KCNJ3: variants seen among roughly 807,000 people sequenced by gnomAD.
KCNJ3 encodes G protein-activated inward rectifier potassium channel 1.
Under a neutral mutation model 39.2 loss-of-function variants are expected in KCNJ3, and 4 were observed. The observed-to-expected ratio is 0.10, with a 90% CI of 0.05 to 0.23. KCNJ3 has a LOEUF of 0.23. Ranked by LOEUF, KCNJ3 falls within the 10% of genes least tolerant of loss-of-function variation. The pLI is 1.00. For synonymous variants in KCNJ3, 230 were observed against 237.4 expected (o/e 0.97, Z 0.29); for missense variants, 276 against 634.9 (o/e 0.43, Z 6.08).
chr2:154,743,673 T>G (rs1202615505), intron 2 of KCNJ3, among the ~76,000 whole-genome samples: 1 of 151,670 alleles, frequency 6.6e-6, no homozygotes, highest in Non-Finnish European at 1.5e-5. Context: ...TTAATGTTTA[T>G]CTTATATTTG....
intron 2 of KCNJ3, among the ~76,000 whole-genome samples, chr2:154,760,735 CTTTTTT>C (rs887796000): frequency 7.8e-6 from 1 of 127,752 alleles, no homozygotes; most frequent in Non-Finnish European, 1.6e-5. Flanking sequence ...TCTTTTTTTT[CTTTTTT>C]TTTTTTTTTT....
intron 2 of KCNJ3, among the ~76,000 whole-genome samples, chr2:154,844,622 C>T (rs1402300768): frequency 6.6e-6 from 1 of 152,176 alleles, no homozygotes; most frequent in Non-Finnish European, 1.5e-5. Context: ...GCTTCCCGGT[C>T]GCTTTGTTTA....
intron 2 of KCNJ3, among the ~76,000 whole-genome samples, chr2:154,722,973 T>A (rs1685290540): frequency 6.6e-6 from 1 of 152,032 alleles, no homozygotes; most frequent in East Asian, 1.9e-4. Context: ...CAGTACAGGT[T>A]AGAGGGTATG....
chr2:154,717,102 G>A (rs1275513183), intron 2 of KCNJ3, among the ~76,000 whole-genome samples: 2 of 152,196 alleles, frequency 1.3e-5, no homozygotes, highest in Admixed American at 1.3e-4. Flanking sequence ...CTGAGAACAT[G>A]GTGTGAACTG....
At chr2:154,718,233 A>G (rs1685213248) in intron 2 of KCNJ3, among the ~76,000 whole-genome samples, 1 of 152,092 alleles carries the variant, frequency 6.6e-6, no homozygotes, top group Admixed American at 6.5e-5. Flanking sequence ...TTTAAGATAT[A>G]TCTTATCAGT....
At chr2:154,787,077 A>G (rs1006838931) in intron 2 of KCNJ3, among the ~76,000 whole-genome samples, 3 of 152,222 alleles carry the variant, frequency 2.0e-5, no homozygotes, top group Non-Finnish European at 4.4e-5. Context: ...CCACTAGAAA[A>G]AAAGGGTGTA....
Position 154,854,887 on chromosome 2 carries a change from G to A in KCNJ3, c.1080G>A (p.Glu360=). ...EVPTPPYSVK[E]QEEMLLMSSP... ...CCACCCCACCTTACAGTGTGAAAGA[G>A]CAGGAGGAAATGCTTCTCATGTCGT... Residue 360 remains glutamate, a synonymous_variant, in exon 3 of 3, where the codon GAG becomes GAA. Coordinates refer to ENST00000295101, the MANE Select transcript of KCNJ3 (RefSeq NM_002239.4). The A allele has an allele frequency of 6.2e-7, 1 of 1,613,992 alleles. No individual in the cohort carries two copies. Among genetic ancestry groups the A allele is most frequent in the Non-Finnish European group, 8.5e-7 (1 of 1,179,940 alleles).
intron 2 of KCNJ3, among the ~76,000 whole-genome samples, chr2:154,821,634 G>GCT (rs1397478625): frequency 1.2e-5 from 1 of 82,510 alleles, no homozygotes; most frequent in African/African-American, 3.7e-5. Context: ...GAGAATATGT[G>GCT]ATTTTTTTTT....
chr2:154,836,398 A>ATATC (rs1553461876), intron 2 of KCNJ3, among the ~76,000 whole-genome samples: 3 of 151,994 alleles, frequency 2.0e-5, no homozygotes, highest in African/African-American at 7.2e-5. Context: ...CAGCATTTTT[A>ATATC]TATCTTTGAC....
At chr2:154,764,636 A>G (rs1416649929) in intron 2 of KCNJ3, among the ~76,000 whole-genome samples, 1 of 152,172 alleles carries the variant, frequency 6.6e-6, no homozygotes, top group South Asian at 2.1e-4. Flanking sequence ...CCTGGGCTAC[A>G]TTGGAAGAAT....
At chr2:154,730,790 C>T (rs971804339) in intron 2 of KCNJ3, among the ~76,000 whole-genome samples, 6 of 151,984 alleles carry the variant, frequency 3.9e-5, no homozygotes, top group Non-Finnish European at 4.4e-5. Flanking sequence ...TAGTTTGAAT[C>T]TCATCATAGA....
At chr2:154,754,063 A>G (rs1434296398) in intron 2 of KCNJ3, among the ~76,000 whole-genome samples, 3 of 152,250 alleles carry the variant, frequency 2.0e-5, no homozygotes, top group South Asian at 2.1e-4. Flanking sequence ...TTTACTTTAG[A>G]ATAGTTTTGG....
chr2:154,806,786 A>G (rs1225992386), intron 2 of KCNJ3, among the ~76,000 whole-genome samples: 2 of 152,170 alleles, frequency 1.3e-5, no homozygotes, highest in African/African-American at 4.8e-5. Context: ...TTCCAGATTC[A>G]GCTACCTGAG....
chr2:154,802,521 T>A (rs939148191), intron 2 of KCNJ3, among the ~76,000 whole-genome samples: 1 of 152,170 alleles, frequency 6.6e-6, no homozygotes, highest in South Asian at 2.1e-4. Context: ...CTGGGTTGCA[T>A]GCTTTTAATC....
intron 2 of KCNJ3, among the ~76,000 whole-genome samples, chr2:154,769,712 G>C (rs543241126): frequency 3.7e-4 from 56 of 152,232 alleles, no homozygotes; most frequent in Non-Finnish European, 6.5e-4. Context: ...AAATGGGTTA[G>C]GGAGGATTCC....
rs568426680 is a variant in KCNJ3, at chr2:154,699,769, G to A, written c.702+292G>A. On this transcript the variant is annotated intron_variant, in intron 1 of 2. Transcript: ENST00000295101. The surrounding 1 kb of genome is among the most constrained non-coding windows in gnomAD (Gnocchi z 6.4). Reference sequence around the variant, plus strand: ...TGCTGTTGGCTCCTGGAGCCATGAGGGCAATTAGTGCCCTGTTCGCCTTCC... The same window carrying A: ...TGCTGTTGGCTCCTGGAGCCATGAGAGCAATTAGTGCCCTGTTCGCCTTCC... Among the ~76,000 whole-genome samples the A allele has an allele frequency of 4.6e-5, 7 of 152,126 alleles. No individual in the cohort carries two copies. The highest frequency in any genetic ancestry group is 2.1e-4 in the South Asian group (1 of 4,818).
intron 2 of KCNJ3, among the ~76,000 whole-genome samples, chr2:154,792,085 T>C (rs1686643424): frequency 6.6e-6 from 1 of 152,058 alleles, no homozygotes; most frequent in Admixed American, 6.6e-5. Context: ...TCCACTGCCG[T>C]CATCTTGTGC....
At chr2:154,807,221 G>A (rs1265742163) in intron 2 of KCNJ3, among the ~76,000 whole-genome samples, 1 of 152,140 alleles carries the variant, frequency 6.6e-6, no homozygotes, top group Non-Finnish European at 1.5e-5. Flanking sequence ...GGATTGATTA[G>A]TGGCGTTTCA....
chr2:154,809,207 G>T (rs1686966925), intron 2 of KCNJ3, among the ~76,000 whole-genome samples: 1 of 152,128 alleles, frequency 6.6e-6, no homozygotes, highest in South Asian at 2.1e-4. Flanking sequence ...GCATAGCAGA[G>T]GAAAGGCAAG....
Sources: gnomAD v4.1 joint callset for allele counts (sites outside exome capture counted in the v4.1 genomes callset) on GRCh38, gnomAD v4.1.1 for gene constraint, Gnocchi (gnomAD v3.1) non-coding constraint, MANE v1.5 for transcripts, NCBI Gene and HGNC (gene_info 2026-07-23, HGNC 2026-07-21) for gene names.